Variants in SAMD9L observed in about 807,000 individuals in gnomAD.
SAMD9L encodes the protein sterile alpha motif domain containing 9 like.
SAMD9L carries 68 observed loss-of-function variants against 90.7 expected under a neutral mutation model. That is an observed-to-expected ratio of 0.75 (90% CI 0.62 to 0.92). SAMD9L has a LOEUF of 0.92. Among genes scored for constraint, SAMD9L ranks in the 40% least tolerant of loss-of-function variants. SAMD9L has a pLI of 0.00. For missense variants in SAMD9L, 1,604 were observed against 1,824.3 expected (o/e 0.88, Z 2.20); for synonymous variants, 640 against 630.1 (o/e 1.02, Z -0.23).
At chr7:93,137,105 C>CA (rs1792486699) in intron 4 of SAMD9L, among the ~76,000 whole-genome samples, 1 of 152,048 alleles carries the variant, frequency 6.6e-6, no homozygotes, top group Non-Finnish European at 1.5e-5. Context: ...CATTAAGGAT[C>CA]AAATGAAACA....
chr7:93,141,728 T>C (rs1792697875), intron 4 of SAMD9L, among the ~76,000 whole-genome samples: 1 of 152,212 alleles, frequency 6.6e-6, no homozygotes, highest in Non-Finnish European at 1.5e-5. Flanking sequence ...CCTGGTCTCT[T>C]TGACTCTGGC....
chr7:93,137,454 C>T (rs980084709), intron 4 of SAMD9L, among the ~76,000 whole-genome samples: 1 of 151,980 alleles, frequency 6.6e-6, no homozygotes, highest in Non-Finnish European at 1.5e-5. Context: ...GTCCCATCAC[C>T]CCAAATGGGA....
rs1263640437 is a variant in SAMD9L, at chr7:93,132,225, A to G, written c.3747T>C (p.Ala1249=). The G allele has an allele frequency of 6.2e-7, 1 of 1,613,842 alleles. No individual in the cohort carries two copies. Among genetic ancestry groups the G allele is most frequent in the African/African-American group, 1.3e-5 (1 of 75,030 alleles). Residue 1249 remains alanine (A), a synonymous_variant, in exon 5 of 5, where the codon GCT becomes GCC. Transcript: ENST00000318238. ...TTAGGTGGGATGTGAACTTGCTAAG[A>G]GCCAAATAACATTCATTTCTGGGAT... ...PPDPRNECYL[A]LSKFTSHLKN... is the part of the protein sequence containing the mutation.
chr7:93,143,310 G>A (rs1304701766), intron 4 of SAMD9L, among the ~76,000 whole-genome samples: 1 of 151,448 alleles, frequency 6.6e-6, no homozygotes, highest in African/African-American at 2.4e-5. Flanking sequence ...TCCACACCCT[G>A]ACTGGAGTAT....
intron 1 of SAMD9L, among the ~76,000 whole-genome samples, chr7:93,147,748 A>T (rs1792948356): frequency 6.6e-6 from 1 of 152,238 alleles, no homozygotes. Flanking sequence ...ATACTTTAAT[A>T]GAATAATATT....
intron 4 of SAMD9L, among the ~76,000 whole-genome samples, chr7:93,137,453 C>T (rs1434062117): frequency 1.3e-5 from 2 of 152,024 alleles, no homozygotes; most frequent in African/African-American, 4.8e-5. Context: ...TGTCCCATCA[C>T]CCCAAATGGG....
At chr7:93,140,111 C>G (rs1355914078) in intron 4 of SAMD9L, among the ~76,000 whole-genome samples, 1 of 152,086 alleles carries the variant, frequency 6.6e-6, no homozygotes, top group African/African-American at 2.4e-5. Flanking sequence ...CCTCCATACC[C>G]TGACTGGAAC....
rs748069110 is a variant in SAMD9L, at chr7:93,134,147, T to A, written c.1825A>T (p.Ile609Phe). 6.2e-7 allele frequency: 1 copy of A among 1,613,894 alleles called. No homozygotes were observed. Among genetic ancestry groups the A allele is most frequent in the Non-Finnish European group, 8.5e-7 (1 of 1,179,834 alleles). ...KMEDELTNHS[I>F]STLNIELVNS... Reference sequence around the variant, plus strand: ...ACCAGTTCTATATTTAAAGTGGAAATACTGTGGTTTGTTAGTTCATCTTCC... The same window carrying A: ...ACCAGTTCTATATTTAAAGTGGAAAAACTGTGGTTTGTTAGTTCATCTTCC... Residue 609 changes from isoleucine (I) to phenylalanine (F), a missense_variant, in exon 5 of 5, where the codon ATT (isoleucine) becomes TTT (phenylalanine). Transcript: ENST00000318238.
chr7:93,146,406 T>G (rs530066892), intron 2 of SAMD9L, among the ~76,000 whole-genome samples: 130 of 152,342 alleles, frequency 8.5e-4, no homozygotes, highest in Admixed American at 1.2e-3. Context: ...TGGCTTCATT[T>G]TTTATCTACT....
chr7:93,144,163 G>A (rs1792800366), intron 4 of SAMD9L, among the ~76,000 whole-genome samples: 1 of 152,158 alleles, frequency 6.6e-6, no homozygotes, highest in African/African-American at 2.4e-5. Context: ...TATCTAACAT[G>A]GATAAAGGTG....
In SAMD9L at chr7:93,133,609, C is replaced by G. The variant is rs1159068281; in HGVS notation, c.2363G>C (p.Arg788Thr). Reference sequence around the variant, plus strand: ...AATGTAATCCTGATGGCTCTTTGCCCTATAGGTGACCAGATTGATCACTTG... The same window carrying G: ...AATGTAATCCTGATGGCTCTTTGCCGTATAGGTGACCAGATTGATCACTTG... ...AEQVINLVTY[R>T]AKSHQDYIPV... The change falls in exon 5 of 5, where the codon AGG (arginine) becomes ACG (threonine). Residue 788 changes from arginine (R) to threonine (T), a missense_variant. This residue lies in a region of SAMD9L where 606 missense variants were observed against 717.6 expected (regional missense o/e 0.84). Coordinates refer to ENST00000318238, the MANE Select transcript of SAMD9L (RefSeq NM_152703.5). 2.5e-6 allele frequency: 4 copies of G among 1,613,652 alleles called. No individual in the cohort carries two copies. The East Asian group carries it at 8.9e-5, about 36-fold the overall frequency.
rs139478067 is a variant in SAMD9L, at chr7:93,131,510, C to T, written c.4462G>A (p.Val1488Ile). The change falls in exon 5 of 5, where the codon GTT (valine) becomes ATT (isoleucine). Residue 1488 changes from valine (V) to isoleucine (I), a missense_variant. By Grantham distance (29) the Val-to-Ile change is conservative. Transcript: ENST00000318238. ...LGKRKGLNSI[V>I]HKAKIEQYFD... ...TACTGCTCTATTTTGGCCTTGTGAACAATACTGTTTAGACCCTTCCTTTTG... is the reference window on the plus strand; with the variant it reads ...TACTGCTCTATTTTGGCCTTGTGAATAATACTGTTTAGACCCTTCCTTTTG... 829 of 1,613,950 alleles carry T rather than the reference C, an allele frequency of 5.1e-4. 3 individuals carry two copies. In the East Asian group the frequency reaches 0.011, roughly 22 times the overall value.
At chr7:93,143,911 C>T (rs1792790671) in intron 4 of SAMD9L, among the ~76,000 whole-genome samples, 1 of 152,174 alleles carries the variant, frequency 6.6e-6, no homozygotes, top group Non-Finnish European at 1.5e-5. Context: ...TTAAACCTTA[C>T]ACCCTAGACT....
In SAMD9L at chr7:93,133,447, G is replaced by A. The variant is rs1364384359; in HGVS notation, c.2525C>T (p.Ser842Phe). The part of the protein sequence containing the change: ...TLVIILNCMR[S>F]RNPDESAKLA... ...TTTTGCACTTTCATCTGGATTCCGG[G>A]ATCTCATGCAGTTTAAGATAATTAC... Residue 842 changes from serine (S) to phenylalanine (F), a missense_variant, in exon 5 of 5, where the codon TCC becomes TTC. Ser to Phe is a radical substitution (Grantham distance 155). This residue lies in a region of SAMD9L where 606 missense variants were observed against 717.6 expected (regional missense o/e 0.84). Transcript: ENST00000318238. The A allele has an allele frequency of 6.2e-7, 1 of 1,613,034 alleles. No individual in the cohort carries two copies. The highest frequency in any genetic ancestry group is 8.5e-7 in the Non-Finnish European group (1 of 1,179,186).
chr7:93,132,265 C>T lies in SAMD9L; in HGVS notation c.3707G>A (p.Trp1236Ter). Residue 1236 changes from tryptophan to a stop codon, truncating the protein, a stop_gained, in exon 5 of 5, where the codon TGG (tryptophan) becomes TAG (stop). Transcript: ENST00000318238. LOFTEE classifies it high-confidence loss of function. ...ATTTCTGGGATCAGGAGGAATGGTCCACTTTCCTGATAAAAATTGCACCAT... is the reference window on the plus strand; with the variant it reads ...ATTTCTGGGATCAGGAGGAATGGTCTACTTTCCTGATAAAAATTGCACCAT... ...KHMVQFLSGK[W>*]TIPPDPRNEC... The T allele has an allele frequency of 6.2e-6, 10 of 1,613,710 alleles. No homozygotes were observed. Among genetic ancestry groups the T allele is most frequent in the Non-Finnish European group, 8.5e-6 (10 of 1,179,808 alleles).
At position 93,135,082 on chromosome 7, in the gene SAMD9L, T is replaced by C; in HGVS notation, c.890A>G (p.Asn297Ser). 6.2e-7 allele frequency: 1 copy of C among 1,613,124 alleles called. No individual in the cohort carries two copies. The highest frequency in any genetic ancestry group is 8.5e-7 in the Non-Finnish European group (1 of 1,179,880). Residue 297 changes from asparagine (N) to serine (S), a missense_variant, in exon 5 of 5, where the codon AAT (asparagine) becomes AGT (serine). This residue lies in a region of SAMD9L where 374 missense variants were observed against 363.6 expected (regional missense o/e 1.03). Coordinates refer to ENST00000318238, the MANE Select transcript of SAMD9L (RefSeq NM_152703.5). ...AATGACAAATCTGTCAGATGGTGTA[T>C]TGTTCTGCAGAAGGACTTCCACAAA... ...PRFVEVLLQN[N>S]TPSDRFVIEV... is the part of the protein sequence containing the mutation.
In SAMD9L at chr7:93,133,601, T is replaced by C; in HGVS notation, c.2371A>G (p.Ser791Gly). 1 of 1,613,824 alleles carries C rather than the reference T, an allele frequency of 6.2e-7. No individual in the cohort carries two copies. The stretch of plus-strand genomic sequence containing the variant: ...AGCACAGGAATGTAATCCTGATGGC[T>C]CTTTGCCCTATAGGTGACCAGATTG... ...VINLVTYRAK[S>G]HQDYIPVLLL... Residue 791 changes from serine (S) to glycine (G), a missense_variant, in exon 5 of 5, where the codon AGC becomes GGC. Physicochemically the swap from Ser to Gly is moderately conservative, Grantham distance 56. This residue lies in a region of SAMD9L where 606 missense variants were observed against 717.6 expected (regional missense o/e 0.84). Coordinates refer to ENST00000318238, the MANE Select transcript of SAMD9L (RefSeq NM_152703.5).
Position 93,133,976 on chromosome 7 carries a change from C to G in SAMD9L, c.1996G>C (p.Glu666Gln), listed in dbSNP as rs756104818. The G allele has an allele frequency of 6.2e-7, 1 of 1,613,668 alleles. No homozygotes were observed. The highest frequency in any genetic ancestry group is 8.5e-7 in the Non-Finnish European group (1 of 1,179,792). The change falls in exon 5 of 5, where the codon GAG (glutamate) becomes CAG (glutamine). Residue 666 changes from glutamate to glutamine, a missense_variant. This residue lies in a region of SAMD9L where 606 missense variants were observed against 717.6 expected (regional missense o/e 0.84). Coordinates refer to ENST00000318238, the MANE Select transcript of SAMD9L (RefSeq NM_152703.5). ...LEILCENECT[E>Q]TDIEKDKSKF... ...GATTTGTCTTTCTCGATGTCTGTCT[C>G]TGTACACTCATTTTCACAGAGGATT...
chr7:93,145,117 AC>A (rs913352229), intron 3 of SAMD9L, among the ~76,000 whole-genome samples: 2 of 152,060 alleles, frequency 1.3e-5, no homozygotes, highest in African/African-American at 2.4e-5. Context: ...AGAGCTTTCC[AC>A]CTCTAGAAAT....
Sources: gnomAD v4.1 joint callset for allele counts (sites outside exome capture counted in the v4.1 genomes callset) on GRCh38, gnomAD v4.1.1 for gene constraint, gnomAD v4.1.1 regional missense constraint, MANE v1.5 for transcripts, NCBI Gene and HGNC (gene_info 2026-07-23, HGNC 2026-07-21) for gene names.